Variants in HPSE2 observed in about 807,000 individuals in gnomAD.
HPSE2 encodes the protein inactive heparanase-2.
In HPSE2, 38 loss-of-function variants were observed where a neutral mutation model predicts 60.5. The observed-to-expected ratio is 0.63, with a 90% CI of 0.48 to 0.82. The LOEUF (loss-of-function observed/expected upper bound fraction) is 0.82, where lower values mean the gene tolerates loss of function less well. HPSE2 is among the 40% of genes least tolerant of loss of function. The pLI is 0.00. For missense variants in HPSE2, 713 were observed against 740.4 expected (o/e 0.96, Z 0.43); for synonymous variants, 295 against 293.2 (o/e 1.01, Z -0.06).
intron 9 of HPSE2, among the ~76,000 whole-genome samples, chr10:98,603,054 C>T (rs1429912115): frequency 6.6e-6 from 1 of 152,146 alleles, no homozygotes; most frequent in African/African-American, 2.4e-5. Flanking sequence ...GTTTAGAAGT[C>T]ACCATTCCTT....
intron 3 of HPSE2, among the ~76,000 whole-genome samples, chr10:98,861,212 A>G (rs933706557): frequency 2.0e-5 from 3 of 152,228 alleles, no homozygotes; most frequent in African/African-American, 7.2e-5. Context: ...CCTTAAGTAT[A>G]GCCAAACAGG....
chr10:99,273,491 T>G, the HPSE2 span, among the ~76,000 whole-genome samples: 2 of 152,192 alleles, frequency 1.3e-5, no homozygotes, highest in African/African-American at 4.8e-5. Flanking sequence ...GCCTCTGCCT[T>G]TGGCCTAAAT....
chr10:99,300,813 A>C, the HPSE2 span, among the ~76,000 whole-genome samples: 3 of 152,208 alleles, frequency 2.0e-5, no homozygotes, highest in African/African-American at 7.2e-5. Context: ...GGTTGTTTTA[A>C]AACCCAATGT....
At chr10:99,287,637 C>A in the HPSE2 span, among the ~76,000 whole-genome samples, 3 of 152,184 alleles carry the variant, frequency 2.0e-5, no homozygotes, top group East Asian at 5.8e-4. Context: ...GAGCAGTACA[C>A]CTCCAGGATT....
rs928886029 is a variant in HPSE2 at position 98,870,728 on chromosome 10, T to C, written c.611-126672A>G. Among the ~76,000 whole-genome samples the C allele has an allele frequency of 1.1e-4, 16 of 152,206 alleles. No individual in the cohort carries two copies. The East Asian group carries it at 2.9e-3, about 28-fold the overall frequency. ...ATGATGAGAATAATTCTACCTACTT[T>C]GAAAAATTGTTGTCATGAGATACTG... On this transcript the variant is annotated intron_variant, in intron 3 of 11. Coordinates refer to ENST00000370552, the MANE Select transcript of HPSE2 (RefSeq NM_021828.5).
intron 2 of HPSE2, among the ~76,000 whole-genome samples, chr10:99,175,519 G>T (rs2133814147): frequency 6.6e-6 from 1 of 152,320 alleles, no homozygotes; most frequent in Middle Eastern, 3.4e-3. Context: ...TTCCAACTGG[G>T]CGGAGCCCAC....
At chr10:98,878,365 T>C (rs11189849) in intron 3 of HPSE2, among the ~76,000 whole-genome samples, 8,770 of 152,046 alleles carry the variant, frequency 0.058, 345 homozygotes, top group East Asian at 0.1. Context: ...GCAAGTACTG[T>C]TGAGCATCTG....
chr10:99,151,894 C>A (rs966883485), intron 2 of HPSE2, among the ~76,000 whole-genome samples: 4 of 152,080 alleles, frequency 2.6e-5, no homozygotes, highest in Non-Finnish European at 5.9e-5. Flanking sequence ...CCAACCTGGG[C>A]AACAGAGCTA....
intron 7 of HPSE2, among the ~76,000 whole-genome samples, chr10:98,627,143 T>C (rs1380533420): frequency 6.6e-6 from 1 of 152,138 alleles, no homozygotes; most frequent in Non-Finnish European, 1.5e-5. Flanking sequence ...CAGAAAACGG[T>C]TGGATTTATA....
intron 3 of HPSE2, among the ~76,000 whole-genome samples, chr10:98,907,012 TA>T (rs1364828615): frequency 2.0e-5 from 3 of 152,216 alleles, no homozygotes; most frequent in Non-Finnish European, 4.4e-5. Flanking sequence ...TGTTGGGAAC[TA>T]GGCACGCACG....
At chr10:98,806,769 C>T (rs1040518154) in intron 3 of HPSE2, among the ~76,000 whole-genome samples, 29 of 152,134 alleles carry the variant, frequency 1.9e-4, no homozygotes, top group African/African-American at 6.0e-4. Flanking sequence ...AAAGATGTTG[C>T]ATATGTTTAA....
intron 3 of HPSE2, among the ~76,000 whole-genome samples, chr10:98,789,347 G>A (rs1382799833): frequency 1.3e-5 from 2 of 152,202 alleles, no homozygotes; most frequent in African/African-American, 4.8e-5. Flanking sequence ...TCATAAGAAT[G>A]AGTTCCTTGA....
chr10:98,508,722 G>A (rs1238444627), intron 9 of HPSE2, among the ~76,000 whole-genome samples: 1 of 152,126 alleles, frequency 6.6e-6, no homozygotes, highest in Admixed American at 6.6e-5. Flanking sequence ...GAAGGGAGGG[G>A]ACATAAAGTG....
At chr10:99,151,854 T>A (rs958136395) in intron 2 of HPSE2, among the ~76,000 whole-genome samples, 1 of 152,156 alleles carries the variant, frequency 6.6e-6, no homozygotes, top group African/African-American at 2.4e-5. Flanking sequence ...AGTTTGAGGT[T>A]GCAGTTACCT....
chr10:99,109,936 G>A (rs529165064), intron 3 of HPSE2, among the ~76,000 whole-genome samples: 2 of 152,152 alleles, frequency 1.3e-5, no homozygotes, highest in East Asian at 3.9e-4. Context: ...ATAAAGGCCT[G>A]GAGTCAGTGA....
chr10:98,823,123 G>A (rs533863473), intron 3 of HPSE2, among the ~76,000 whole-genome samples: 1 of 152,278 alleles, frequency 6.6e-6, no homozygotes, highest in East Asian at 1.9e-4. Context: ...AGAAGCCAAA[G>A]AATGTAGGCA....
chr10:98,723,384 T>G (rs1948980266), intron 4 of HPSE2, among the ~76,000 whole-genome samples: 1 of 54,182 alleles, frequency 1.8e-5, no homozygotes, highest in South Asian at 9.9e-4. Flanking sequence ...TATTGAGGAT[T>G]TTTGCATCAA....
At chr10:99,028,417 G>C (rs1210490649) in intron 3 of HPSE2, among the ~76,000 whole-genome samples, 4 of 151,720 alleles carry the variant, frequency 2.6e-5, no homozygotes, top group Non-Finnish European at 5.9e-5. Context: ...AAATACCTAG[G>C]AATTAACCAA....
chr10:98,937,917 C>T (rs1236006326), intron 3 of HPSE2, among the ~76,000 whole-genome samples: 1 of 143,680 alleles, frequency 7.0e-6, no homozygotes, highest in Non-Finnish European at 1.5e-5. Context: ...CAGACAGCAG[C>T]ATTCGCGGTT....
Sources: allele counts gnomAD v4.1 joint callset (sites outside exome capture counted in the v4.1 genomes callset), GRCh38; gene constraint gnomAD v4.1.1; transcripts MANE v1.5; gene names NCBI Gene and HGNC (gene_info 2026-07-23, HGNC 2026-07-21).